The following DSCAM variants were observed in gnomAD, a reference collection of about 807,000 sequenced individuals.
DSCAM encodes the protein DS cell adhesion molecule.
A neutral mutation model predicts 217.7 loss-of-function variants in DSCAM; 47 were observed. The observed-to-expected ratio is 0.22, with a 90% CI of 0.17 to 0.28. DSCAM has a LOEUF of 0.28. Ranked by LOEUF, DSCAM falls within the 10% of genes least tolerant of loss-of-function variation. The pLI is 1.00. For missense variants in DSCAM, 2,080 were observed against 2,618.3 expected (o/e 0.79, Z 4.49); for synonymous variants, 1,056 against 1,015.3 (o/e 1.04, Z -0.76).
chr21:40,043,272 G>A (rs145051713), intron 31 of DSCAM, among the ~76,000 whole-genome samples: 52 of 152,288 alleles, frequency 3.4e-4, no homozygotes, highest in African/African-American at 1.2e-3. Context: ...GCTGGGCCAC[G>A]CCATCTTGGT....
chr21:40,605,373 G>T (rs1396969841), intron 3 of DSCAM, among the ~76,000 whole-genome samples: 3 of 152,116 alleles, frequency 2.0e-5, no homozygotes, highest in Non-Finnish European at 4.4e-5. Flanking sequence ...TTTTCATTCT[G>T]TTCAGCTTTT....
intron 1 of DSCAM, among the ~76,000 whole-genome samples, chr21:40,818,001 C>G (rs1029757986): frequency 6.8e-6 from 1 of 146,294 alleles, no homozygotes; most frequent in Non-Finnish European, 1.5e-5. Context: ...GAGGCTGAGG[C>G]AGGAGAATGG....
chr21:40,763,688 C>T (rs144038351), intron 1 of DSCAM, among the ~76,000 whole-genome samples: 1,766 of 152,270 alleles, frequency 0.012, 67 homozygotes, highest in Admixed American at 0.08. Flanking sequence ...TACCTGCCTT[C>T]AAAATATACT....
chr21:40,536,527 T>C (rs867819212), intron 3 of DSCAM, among the ~76,000 whole-genome samples: 1 of 150,124 alleles, frequency 6.7e-6, no homozygotes, highest in South Asian at 2.2e-4. Context: ...TCAGCCTCCC[T>C]AGTAGCTGGG....
intron 3 of DSCAM, among the ~76,000 whole-genome samples, chr21:40,471,667 A>G (rs116945672): frequency 0.015 from 2,286 of 152,306 alleles, 20 homozygotes; most frequent in South Asian, 0.031. Flanking sequence ...ACTGGCTCCC[A>G]AGTAGCCTGG....
chr21:40,282,440 A>AG (rs1472576486), intron 10 of DSCAM, among the ~76,000 whole-genome samples: 1 of 151,616 alleles, frequency 6.6e-6, no homozygotes, highest in Non-Finnish European at 1.5e-5. Flanking sequence ...ACAAAAAAAA[A>AG]ATTAGCCGGG....
intron 3 of DSCAM, among the ~76,000 whole-genome samples, chr21:40,480,647 C>T (rs774155227): frequency 3.3e-5 from 5 of 152,170 alleles, no homozygotes; most frequent in South Asian, 2.1e-4. Context: ...AAATTTGACG[C>T]TGTTGCTACT....
At chr21:40,346,518 G>T (rs35421437) in intron 6 of DSCAM, among the ~76,000 whole-genome samples, 76,837 of 152,026 alleles carry the variant, frequency 0.51, 20,565 homozygotes, top group South Asian at 0.64. Flanking sequence ...GATATCAGAT[G>T]AATTTTAAAT....
At chr21:40,823,159 G>A (rs1427754927) in intron 1 of DSCAM, among the ~76,000 whole-genome samples, 5 of 143,990 alleles carry the variant, frequency 3.5e-5, no homozygotes, top group Non-Finnish European at 6.0e-5. Context: ...CCCCAGCACC[G>A]CCCCCCCAAA....
intron 3 of DSCAM, among the ~76,000 whole-genome samples, chr21:40,506,599 C>T (rs1175513372): frequency 6.6e-6 from 1 of 152,062 alleles, no homozygotes; most frequent in Non-Finnish European, 1.5e-5. Context: ...ACCACACTGT[C>T]GAGTTTGTAT....
chr21:40,802,644 A>T (rs2091752250), intron 1 of DSCAM, among the ~76,000 whole-genome samples: 2 of 152,184 alleles, frequency 1.3e-5, no homozygotes, highest in South Asian at 4.1e-4. Flanking sequence ...TTCATGGGTT[A>T]TCACAGCAGT....
At chr21:40,712,627 A>G (rs934608810) in intron 1 of DSCAM, among the ~76,000 whole-genome samples, 4 of 152,150 alleles carry the variant, frequency 2.6e-5, no homozygotes, top group African/African-American at 9.7e-5. Context: ...TGGTGCATTC[A>G]CTGTCCCCAT....
intron 1 of DSCAM, among the ~76,000 whole-genome samples, chr21:40,720,261 AAT>A (rs2090887445): frequency 6.6e-6 from 1 of 152,208 alleles, no homozygotes; most frequent in African/African-American, 2.4e-5. Flanking sequence ...AATGAAAGGG[AAT>A]ATAACTTAGC....
intron 3 of DSCAM, among the ~76,000 whole-genome samples, chr21:40,650,731 T>C (rs1310481429): frequency 6.6e-6 from 1 of 152,186 alleles, no homozygotes; most frequent in Non-Finnish European, 1.5e-5. Flanking sequence ...CTGGCCAATA[T>C]GATGAAACCC....
At chr21:40,044,020 T>G in intron 31 of DSCAM, 58 bp downstream of exon 31, 1 of 1,580,880 alleles carries the variant, frequency 6.3e-7, no homozygotes, top group Non-Finnish European at 8.7e-7. Context: ...CCCATGAAGC[T>G]CAAGGTGCGG....
At chr21:40,220,734 G>A (rs898791908) in intron 11 of DSCAM, among the ~76,000 whole-genome samples, 1 of 152,200 alleles carries the variant, frequency 6.6e-6, no homozygotes, top group Non-Finnish European at 1.5e-5. Flanking sequence ...AGAAACAGAT[G>A]CAGGACACAA....
chr21:40,434,266 G>A (rs1273899941), intron 3 of DSCAM, among the ~76,000 whole-genome samples: 2 of 152,188 alleles, frequency 1.3e-5, no homozygotes, highest in African/African-American at 4.8e-5. Flanking sequence ...AGCCAGAGCA[G>A]GTGTGAACAC....
At chr21:40,124,043 T>G (rs941414023) in intron 20 of DSCAM, 152 bp downstream of exon 20, 37 of 1,009,530 alleles carry the variant, frequency 3.7e-5, no homozygotes, top group Admixed American at 4.5e-5. Flanking sequence ...AAATGAGGAC[T>G]TTGTTTTGTA....
At chr21:40,334,664 T>C (rs2074410987) in intron 8 of DSCAM, among the ~76,000 whole-genome samples, 1 of 152,086 alleles carries the variant, frequency 6.6e-6, no homozygotes, top group Non-Finnish European at 1.5e-5. Flanking sequence ...GGGGTCTCAC[T>C]ATGTTGCCCA....
Sources: gnomAD v4.1 joint callset for allele counts (sites outside exome capture counted in the v4.1 genomes callset) on GRCh38, gnomAD v4.1.1 for gene constraint, MANE v1.5 for transcripts, NCBI Gene and HGNC (gene_info 2026-07-23, HGNC 2026-07-21) for gene names.